CELF2: variants seen among roughly 807,000 people sequenced by gnomAD.
CELF2 encodes the protein CUGBP Elav-like family member 2.
CELF2 carries 8 observed loss-of-function variants against 62.6 expected under a neutral mutation model. The ratio of observed to expected loss-of-function variants is 0.13; its 90% confidence interval spans 0.07 to 0.23. The LOEUF (loss-of-function observed/expected upper bound fraction) is 0.23. Ranked by LOEUF, CELF2 falls within the 10% of genes least tolerant of loss-of-function variation. CELF2 has a pLI of 1.00. For missense variants in CELF2, 333 were observed against 671.0 expected (o/e 0.50, Z 5.56); for synonymous variants, 258 against 250.0 (o/e 1.03, Z -0.30).
At chr10:10,911,257 T>G (rs2063787586) in intron 1 of CELF2, among the ~76,000 whole-genome samples, 1 of 152,202 alleles carries the variant, frequency 6.6e-6, no homozygotes, top group Admixed American at 6.5e-5. Context: ...CGGAGGTGAT[T>G]AAGAGAAACC....
rs2096023664 is a variant in CELF2 at position 11,331,636 on chromosome 10, A to T, written c.*2583A>T. 1 of 152,524 alleles carries T rather than the reference A, an allele frequency of 6.6e-6. No homozygotes were observed. Among genetic ancestry groups the T allele is most frequent in the Non-Finnish European group, 1.5e-5 (1 of 68,014 alleles). The allele number at this position is 152,524 out of a possible 1,614,324, so 9.4% of individuals were successfully genotyped here. ...AAAAACAAAACAAAAAAAGGTTACA[A>T]AGTTTGTTAACTTGCTATCCTGTGG... On this transcript the variant is annotated 3_prime_UTR_variant, in exon 13 of 13. Transcript: ENST00000633077.
At chr10:10,921,540 T>C (rs1419614160) in intron 2 of CELF2, among the ~76,000 whole-genome samples, 1 of 152,192 alleles carries the variant, frequency 6.6e-6, no homozygotes, top group Non-Finnish European at 1.5e-5. Flanking sequence ...GGTGCTGGGA[T>C]TACAGGTGTG....
the CELF2 span, among the ~76,000 whole-genome samples, chr10:10,709,589 A>G: frequency 2.6e-5 from 4 of 152,198 alleles, no homozygotes; most frequent in East Asian, 3.8e-4. Flanking sequence ...GTGAAGGTGG[A>G]TGAGACACAG....
intron 8 of CELF2, among the ~76,000 whole-genome samples, chr10:11,276,433 G>C (rs1034205249): frequency 1.3e-5 from 2 of 152,206 alleles, no homozygotes; most frequent in African/African-American, 2.4e-5. Context: ...AATATGGTTT[G>C]GGAAGCTGGC....
At chr10:10,910,645 A>T (rs921675629) in intron 1 of CELF2, among the ~76,000 whole-genome samples, 1 of 140,132 alleles carries the variant, frequency 7.1e-6, no homozygotes, top group African/African-American at 2.6e-5. Flanking sequence ...GGTTGTAGTG[A>T]GCCGAGATCG....
the CELF2 span, among the ~76,000 whole-genome samples, chr10:10,513,137 A>C: frequency 6.6e-6 from 1 of 152,244 alleles, no homozygotes; most frequent in East Asian, 1.9e-4. Context: ...TTAAGCATTA[A>C]TAATGGACCA....
At chr10:10,834,514 C>T (rs1442657102) in intron 1 of CELF2, among the ~76,000 whole-genome samples, 3 of 152,106 alleles carry the variant, frequency 2.0e-5, no homozygotes, top group African/African-American at 7.2e-5. Flanking sequence ...GGCGACAGCC[C>T]AGACCAGACC....
chr10:11,054,842 G>A (rs140031417), intron 1 of CELF2, among the ~76,000 whole-genome samples: 3,041 of 152,264 alleles, frequency 0.02, 41 homozygotes, highest in Non-Finnish European at 0.033. Context: ...AGCCTCCTGA[G>A]TAGCTGGGAT....
the CELF2 span, among the ~76,000 whole-genome samples, chr10:10,539,516 T>C: frequency 7.8e-6 from 1 of 128,630 alleles, no homozygotes; most frequent in Non-Finnish European, 1.6e-5. Flanking sequence ...CCATCAGTAA[T>C]GCAGCTCATC....
chr10:10,619,991 C>A, the CELF2 span, among the ~76,000 whole-genome samples: 6 of 152,060 alleles, frequency 3.9e-5, no homozygotes, highest in Non-Finnish European at 7.4e-5. Context: ...CATGAAAGCA[C>A]CCTTTAGCCA....
rs1439352197 is a variant in CELF2, at chr10:11,197,041, G to GAAAGAA, written c.272-20382_272-20377dup. Reference sequence around the variant, plus strand: ...GAAAGAAAGAAAAGAAAGAAAGAAAGAAAGAAAGAAAGAAAGAAAAGAAAG... The same window carrying GAAAGAA: ...GAAAGAAAGAAAAGAAAGAAAGAAAGAAAGAAAAAGAAAGAAAGAAAGAAAAGAAAG... On this transcript the variant is annotated intron_variant, in intron 2 of 12. Coordinates refer to ENST00000633077, the MANE Select transcript of CELF2 (RefSeq NM_001326342.2). Among the ~76,000 whole-genome samples, 4 of 17,440 alleles carry GAAAGAA rather than the reference G, an allele frequency of 2.3e-4. 2 individuals carry two copies. The highest frequency in any genetic ancestry group is 6.8e-4 in the Non-Finnish European group (4 of 5,920). 11.4% of individuals were successfully genotyped at this position (17,440 alleles called of 152,430 possible). A position where few individuals can be genotyped will look rare whatever the true frequency, so the allele number is the denominator to read the frequency against.
the CELF2 span, among the ~76,000 whole-genome samples, chr10:10,574,219 C>T: frequency 6.6e-6 from 1 of 152,154 alleles, no homozygotes; most frequent in Non-Finnish European, 1.5e-5. Context: ...CATTATCCCA[C>T]AGGCACTGCA....
intron 1 of CELF2, among the ~76,000 whole-genome samples, chr10:10,850,761 G>A (rs776799932): frequency 5.3e-5 from 8 of 152,026 alleles, no homozygotes; most frequent in South Asian, 2.1e-4. Flanking sequence ...ATTGTCCCTA[G>A]TTTACCAGTA....
Position 11,018,114 on chromosome 10 carries a change from T to A in CELF2, c.25T>A (p.Phe9Ile), listed in dbSNP as rs1359495848. ...CATGACTTCTGCCTTCAAGCTGGAT[T>A]TCCTCCCGGACATGATGGTCGAGGG... Reference protein sequence around the residue: MTSAFKLDFLPDMMVEGRL... With the variant: MTSAFKLDILPDMMVEGRL... Residue 9 changes from phenylalanine (F) to isoleucine (I), a missense_variant, in exon 1 of 13, where the codon TTC becomes ATC. This residue lies in a region of CELF2 where 45 missense variants were observed against 39.8 expected (regional missense o/e 1.13). Coordinates refer to ENST00000633077, the MANE Select transcript of CELF2 (RefSeq NM_001326342.2). 3 of 1,511,804 alleles carry A rather than the reference T, an allele frequency of 2.0e-6. No individual in the cohort carries two copies. Among genetic ancestry groups the A allele is most frequent in the Non-Finnish European group, 2.7e-6 (3 of 1,126,046 alleles). The allele number at this position is 1,511,804 out of a possible 1,614,324, so 93.6% of individuals were successfully genotyped here. A position where few individuals can be genotyped will look rare whatever the true frequency, so the allele number is the denominator to read the frequency against.
At chr10:10,706,021 C>G in the CELF2 span, among the ~76,000 whole-genome samples, 2 of 152,196 alleles carry the variant, frequency 1.3e-5, no homozygotes, top group Non-Finnish European at 2.9e-5. Context: ...ACTGAGCTAA[C>G]TTTGAACTAT....
chr10:10,589,359 G>T, the CELF2 span, among the ~76,000 whole-genome samples: 2 of 152,178 alleles, frequency 1.3e-5, no homozygotes, highest in African/African-American at 4.8e-5. Context: ...TAAAGGATTT[G>T]TTCTACCAGT....
chr10:10,964,220 T>C (rs956775053), intron 2 of CELF2, among the ~76,000 whole-genome samples: 5 of 152,198 alleles, frequency 3.3e-5, no homozygotes, highest in Non-Finnish European at 7.3e-5. Context: ...GGAATCTTTT[T>C]CTCAGGCTCC....
chr10:10,614,898 G>C, the CELF2 span, among the ~76,000 whole-genome samples: 1 of 152,066 alleles, frequency 6.6e-6, no homozygotes, highest in Non-Finnish European at 1.5e-5. Context: ...TAGGTCCCAA[G>C]ACACAACTTG....
chr10:10,508,043 G>T, the CELF2 span, among the ~76,000 whole-genome samples: 2 of 152,036 alleles, frequency 1.3e-5, no homozygotes, highest in Non-Finnish European at 2.9e-5. Flanking sequence ...AGAGGAAAGA[G>T]CCTTTGCAAA....
Sources: allele counts gnomAD v4.1 joint callset (sites outside exome capture counted in the v4.1 genomes callset), GRCh38; gene constraint gnomAD v4.1.1; regional missense constraint gnomAD v4.1.1; transcripts MANE v1.5; gene names NCBI Gene and HGNC (gene_info 2026-07-23, HGNC 2026-07-21).